Variants in UBAP2 observed in about 807,000 individuals in gnomAD.
The protein encoded by UBAP2 is ubiquitin-associated protein 2.
Under a neutral mutation model 139.6 loss-of-function variants are expected in UBAP2, and 75 were observed. The observed-to-expected ratio is 0.54, with a 90% CI of 0.45 to 0.65. The LOEUF is 0.65. UBAP2 is among the 30% of genes least tolerant of loss of function. UBAP2 has a pLI of 0.00. For missense variants in UBAP2, 1,368 were observed against 1,369.6 expected (o/e 1.00, Z 0.02); for synonymous variants, 526 against 526.2 (o/e 1.00, Z 0.01).
At position 34,016,370 on chromosome 9, in the gene UBAP2, C is replaced by CGGCGGCGGTGGT. The variant is rs1321174650; in HGVS notation, c.99+679_99+680insACCACCGCCGCC. The stretch of plus-strand genomic sequence containing the variant: ...GAGGAGGCAGCAGCGGCGGCAGCGG[C>CGGCGGCGGTGGT]GGTGGTGGTGGTGGTGGTGGTGGTG... On this transcript the variant is annotated intron_variant, in intron 2 of 28. Coordinates refer to ENST00000379238, the MANE Select transcript of UBAP2 (RefSeq NM_001370062.2). Among the ~76,000 whole-genome samples, 136 of 93,734 alleles carry CGGCGGCGGTGGT rather than the reference C, an allele frequency of 1.5e-3. 2 individuals carry two copies. The highest frequency in any genetic ancestry group is 6.3e-3 in the African/African-American group (129 of 20,546). The allele number at this position is 93,734 out of a possible 152,430, so 61.5% of individuals were successfully genotyped here.
At chr9:33,965,788 C>G (rs1386469655) in intron 8 of UBAP2, among the ~76,000 whole-genome samples, 1 of 146,502 alleles carries the variant, frequency 6.8e-6, no homozygotes, top group Non-Finnish European at 1.5e-5. Context: ...GTGGCTCACA[C>G]CTGTAATCCC....
In UBAP2 at chr9:33,988,941, GA is replaced by G; in HGVS notation, c.442+31del. 4 of 1,588,074 alleles carry G rather than the reference GA, an allele frequency of 2.5e-6. No individual in the cohort carries two copies. The Admixed American group carries it at 7.4e-5, about 29-fold the overall frequency. On this transcript the variant is annotated intron_variant, in intron 5 of 28. Coordinates refer to ENST00000379238, the MANE Select transcript of UBAP2 (RefSeq NM_001370062.2). ...GGGAGGGTCACTTGAGATGAAAGAA[GA>G]GAAAAAACTGAGGAGAAAGTCTGTA...
At chr9:33,997,214 T>C (rs1341909658) in intron 3 of UBAP2, 1 of 152,230 alleles carries the variant, frequency 6.6e-6, no homozygotes, top group Non-Finnish European at 1.5e-5. Context: ...TTCAGTTTAT[T>C]CTCATTAGCA....
intron 1 of UBAP2, among the ~76,000 whole-genome samples, chr9:34,037,920 C>G (rs1163187937): frequency 1.3e-5 from 2 of 148,264 alleles, no homozygotes; most frequent in African/African-American, 5.0e-5. Context: ...AATCCCAACA[C>G]TTTGGGAGGC....
chr9:34,016,370 CGGTGGT>C (rs74180522), intron 2 of UBAP2, among the ~76,000 whole-genome samples: 26,196 of 93,418 alleles, frequency 0.28, 4,223 homozygotes, highest in East Asian at 0.59. Flanking sequence ...GCGGCAGCGG[CGGTGGT>C]GGTGGTGGTG....
chr9:34,019,688 TAC>T (rs56358132), intron 1 of UBAP2, among the ~76,000 whole-genome samples: 11,450 of 144,726 alleles, frequency 0.079, 505 homozygotes, highest in Admixed American at 0.11. Flanking sequence ...TACATTTTAC[TAC>T]ACACACACAC....
chr9:33,936,261 C>T (rs1286886803), intron 16 of UBAP2, among the ~76,000 whole-genome samples: 5 of 151,874 alleles, frequency 3.3e-5, no homozygotes, highest in African/African-American at 1.2e-4. Flanking sequence ...GGATTACAGG[C>T]ATGAGCTACC....
In UBAP2 at chr9:33,933,520, A is replaced by C. The variant is rs1824187195; in HGVS notation, c.2078T>G (p.Leu693Arg). The C allele has an allele frequency of 6.2e-7, 1 of 1,613,834 alleles. No individual in the cohort carries two copies. The highest frequency in any genetic ancestry group is 1.1e-5 in the South Asian group (1 of 91,080). ...LPSTSQHTGD[L>R]TSSPLSQLSS... ...AAGCTGAGAGAGAGGGCTGCTAGTCAGGTCGCCAGTGTGCTGGGATGTGGA... is the reference window on the plus strand; with the variant it reads ...AAGCTGAGAGAGAGGGCTGCTAGTCCGGTCGCCAGTGTGCTGGGATGTGGA... The change falls in exon 18 of 29, where the codon CTG (leucine) becomes CGG (arginine). Residue 693 changes from leucine to arginine, a missense_variant. Coordinates refer to ENST00000379238, the MANE Select transcript of UBAP2 (RefSeq NM_001370062.2).
chr9:33,952,710 T>C (rs1826203669), intron 12 of UBAP2: 2 of 154,544 alleles, frequency 1.3e-5, no homozygotes, highest in African/African-American at 2.4e-5. Flanking sequence ...GTACTTTCAA[T>C]CTCAAGAGTG....
At chr9:34,014,843 A>AC in intron 2 of UBAP2, among the ~76,000 whole-genome samples, 1 of 152,032 alleles carries the variant, frequency 6.6e-6, no homozygotes, top group Middle Eastern at 3.4e-3. Flanking sequence ...TAAAAGGAGG[A>AC]CCTAGCCTAA....
At chr9:33,987,365 T>C (rs527794715) in intron 5 of UBAP2, among the ~76,000 whole-genome samples, 1 of 152,094 alleles carries the variant, frequency 6.6e-6, no homozygotes, top group South Asian at 2.1e-4. Context: ...TGAGCCGAGA[T>C]CTCCTCACTG....
chr9:33,997,256 T>G (rs777651354), intron 3 of UBAP2: 1 of 152,220 alleles, frequency 6.6e-6, no homozygotes, highest in Non-Finnish European at 1.5e-5. Context: ...TTTTCATCAC[T>G]AGAACGATCA....
rs1221631430 is a variant in UBAP2, at chr9:33,994,060, A to G, written c.288+2163T>C. On this transcript the variant is annotated intron_variant, in intron 4 of 28. Coordinates refer to ENST00000379238, the MANE Select transcript of UBAP2 (RefSeq NM_001370062.2). The stretch of plus-strand genomic sequence containing the variant: ...CAGGCGCCCACCACCACACCTGGCT[A>G]ATTTTTTGTATTTTTAGTAGACATG... Among the ~76,000 whole-genome samples the G allele has an allele frequency of 2.6e-5, 4 of 151,918 alleles. No individual in the cohort carries two copies. In the East Asian group the frequency reaches 7.7e-4, roughly 29 times the overall value.
intron 1 of UBAP2, among the ~76,000 whole-genome samples, chr9:34,030,690 G>T (rs563141799): frequency 2.0e-5 from 3 of 152,200 alleles, no homozygotes; most frequent in African/African-American, 7.2e-5. Context: ...ACTTTGGGAG[G>T]CCCGGGCGCA....
At chr9:34,027,866 A>G (rs1310237890) in intron 1 of UBAP2, among the ~76,000 whole-genome samples, 2 of 151,228 alleles carry the variant, frequency 1.3e-5, no homozygotes, top group Non-Finnish European at 2.9e-5. Context: ...CATCTCAAAA[A>G]AAAAAAAAAG....
intron 9 of UBAP2, among the ~76,000 whole-genome samples, chr9:33,961,423 A>C (rs943270864): frequency 1.3e-5 from 2 of 152,220 alleles, no homozygotes; most frequent in Non-Finnish European, 2.9e-5. Context: ...ACTCTTGCTC[A>C]TATCAAGTCT....
Position 33,927,857 on chromosome 9 carries a change from C to T in UBAP2, c.2311G>A (p.Gly771Ser). The change falls in exon 20 of 29, where the codon GGT becomes AGT. Residue 771 changes from glycine to serine, a missense_variant. Transcript: ENST00000379238. ...SMNTANSLCLGGTPASASSSS... is the reference protein window; with the variant it reads ...SMNTANSLCLSGTPASASSSS... Reference sequence around the variant, plus strand: ...CTGGATGCACTCGCGGGGGTCCCACCCAGACAGAGGCTGTTCGCGGTGTTC... The same window carrying T: ...CTGGATGCACTCGCGGGGGTCCCACTCAGACAGAGGCTGTTCGCGGTGTTC... 2 of 1,614,202 alleles carry T rather than the reference C, an allele frequency of 1.2e-6. No individual in the cohort carries two copies. The highest frequency in any genetic ancestry group is 1.7e-6 in the Non-Finnish European group (2 of 1,180,024).
chr9:33,966,028 T>C (rs999830701), intron 8 of UBAP2, among the ~76,000 whole-genome samples: 1 of 149,320 alleles, frequency 6.7e-6, no homozygotes, highest in African/African-American at 2.5e-5. Context: ...CCAGCCTGAC[T>C]GACGAAGCGA....
At position 34,044,603 on chromosome 9, in the gene UBAP2, G is replaced by A. The variant is rs540448120; in HGVS notation, c.-42+4222C>T. Among the ~76,000 whole-genome samples the A allele has an allele frequency of 5.9e-5, 9 of 152,000 alleles. No homozygotes were observed. The East Asian group carries it at 9.7e-4, about 16-fold the overall frequency. The stretch of plus-strand genomic sequence containing the variant: ...GAAGAAGCCAGGTGTGGTGGCTCAC[G>A]CAAGTAATCCCAGCACTTTGGGAGG... On this transcript the variant is annotated intron_variant, in intron 1 of 28. Transcript: ENST00000379238.
Sources: gnomAD v4.1 joint callset for allele counts (sites outside exome capture counted in the v4.1 genomes callset) on GRCh38, gnomAD v4.1.1 for gene constraint, MANE v1.5 for transcripts, NCBI Gene and HGNC (gene_info 2026-07-23, HGNC 2026-07-21) for gene names.